CHRNG: variants seen among roughly 807,000 people sequenced by gnomAD.
CHRNG encodes the protein cholinergic receptor nicotinic gamma subunit, also known as acetylcholine receptor subunit gamma.
CHRNG carries 72 observed loss-of-function variants against 65.2 expected under a neutral mutation model. The observed-to-expected ratio is 1.10, with a 90% CI of 0.91 to 1.34. CHRNG has a LOEUF of 1.34. Among genes scored for constraint, CHRNG ranks in the 40% most tolerant of loss-of-function variants. The pLI is 0.00. For missense variants in CHRNG, 637 were observed against 680.1 expected, an observed-to-expected ratio of 0.94 and a Z score of 0.70; for synonymous variants, 284 against 290.2, an observed-to-expected ratio of 0.98 and a Z score of 0.22.
chr2:232,545,062 C>G (rs149874341), intron 11 of CHRNG, among the ~76,000 whole-genome samples, 160 bp downstream of exon 11: 23 of 151,932 alleles, frequency 1.5e-4, no homozygotes, highest in Non-Finnish European at 3.2e-4. Flanking sequence ...TTTGGGAGGC[C>G]GAGGCGAGTG....
Position 232,544,245 on chromosome 2 carries a change from G to A in CHRNG, c.1036-122G>A, listed in dbSNP as rs987105164. 5 of 807,370 alleles carry A rather than the reference G, an allele frequency of 6.2e-6. No homozygotes were observed. The Admixed American group carries it at 8.5e-5, about 14-fold the overall frequency. 50.0% of individuals were successfully genotyped at this position (807,370 alleles called of 1,614,324 possible). On this transcript the variant is annotated intron_variant, in intron 9 of 11. Coordinates refer to ENST00000651502, the MANE Select transcript of CHRNG (RefSeq NM_005199.5). Reference sequence around the variant, plus strand: ...GTCCAGTATAGAAAGCTTTACCAAGGCCACGTCACTGCCCCGGTATGCTGC... The same window carrying A: ...GTCCAGTATAGAAAGCTTTACCAAGACCACGTCACTGCCCCGGTATGCTGC...
Position 232,545,877 on chromosome 2 carries a change from G to C in CHRNG, c.*161G>C. The C allele has an allele frequency of 1.2e-6, 1 of 841,078 alleles. No individual in the cohort carries two copies. The highest frequency in any genetic ancestry group is 1.9e-6 in the Non-Finnish European group (1 of 514,470). 52.1% of individuals were successfully genotyped at this position (841,078 alleles called of 1,614,324 possible). A position where few individuals can be genotyped will look rare whatever the true frequency, so the allele number is the denominator to read the frequency against. On this transcript the variant is annotated 3_prime_UTR_variant, in exon 12 of 12. Coordinates refer to ENST00000651502, the MANE Select transcript of CHRNG (RefSeq NM_005199.5). ...CTGAGAAAAGCTGGGGAAACAGTCTGAGCTGGAGTCCGAGAGTGGTTGGGG... is the reference window on the plus strand; with the variant it reads ...CTGAGAAAAGCTGGGGAAACAGTCTCAGCTGGAGTCCGAGAGTGGTTGGGG...
rs1216018393 is a variant in CHRNG at position 232,545,576 on chromosome 2, C to G, written c.1414C>G (p.Leu472Val). The G allele has an allele frequency of 1.2e-6, 2 of 1,614,020 alleles. No homozygotes were observed. Among genetic ancestry groups the G allele is most frequent in the Non-Finnish European group, 1.7e-6 (2 of 1,180,012 alleles). ...GGAGTGGTTCCTGGTGGGCCGAGTGCTGGACCGCGTCTGCTTCCTGGCCAT... is the reference window on the plus strand; with the variant it reads ...GGAGTGGTTCCTGGTGGGCCGAGTGGTGGACCGCGTCTGCTTCCTGGCCAT... ...NEEWFLVGRV[L>V]DRVCFLAMLS... is the part of the protein sequence containing the mutation. Residue 472 changes from leucine (L) to valine (V), a missense_variant, in exon 12 of 12, where the codon CTG becomes GTG. Transcript: ENST00000651502.
At chr2:232,539,855 C>A in intron 1 of CHRNG, 53 bp downstream of exon 1, 1 of 1,611,250 alleles carries the variant, frequency 6.2e-7, no homozygotes, top group South Asian at 1.1e-5. Flanking sequence ...GGGTCCACAG[C>A]CTCAGGGGAT....
In CHRNG at chr2:232,541,346, C is replaced by T. The variant is rs199724725; in HGVS notation, c.351-28C>T. ...GTGTCGGGGGCTGAGCCCACAGCCT[C>T]GTGGCCTGGCCTGTTCTGTGCATAC... On this transcript the variant is annotated intron_variant, in intron 4 of 11. Coordinates refer to ENST00000651502, the MANE Select transcript of CHRNG (RefSeq NM_005199.5). This position sits in a 1 kb window ranked among gnomAD's most constrained non-coding sequence, Gnocchi z 4.0. The T allele has an allele frequency of 9.9e-5, 160 of 1,613,732 alleles. No homozygotes were observed. Among genetic ancestry groups the T allele is most frequent in the Middle Eastern group, 3.3e-4 (2 of 6,058 alleles).
rs1402208633 is a variant in CHRNG, at chr2:232,541,803, G to C, written c.506+274G>C. The C allele has an allele frequency of 5.5e-6, 3 of 549,388 alleles. No homozygotes were observed. Among genetic ancestry groups the C allele is most frequent in the African/African-American group, 1.9e-5 (1 of 52,762 alleles). The allele number at this position is 549,388 out of a possible 1,614,324, so 34.0% of individuals were successfully genotyped here. ...AGACATTCACGCCTGGGGTGCGTGG[G>C]TGAGAAGGCACACATGCACACAAGA... On this transcript the variant is annotated intron_variant, in intron 5 of 11. Transcript: ENST00000651502. This position sits in a 1 kb window ranked among gnomAD's most constrained non-coding sequence, Gnocchi z 4.0.
In CHRNG at chr2:232,543,682, G is replaced by A. The variant is rs1326904422; in HGVS notation, c.1018G>A (p.Ala340Thr). 6 of 1,610,598 alleles carry A rather than the reference G, an allele frequency of 3.7e-6. No individual in the cohort carries two copies. The highest frequency in any genetic ancestry group is 5.1e-6 in the Non-Finnish European group (6 of 1,177,102). ...GCGGTCTCCACACACACACTCCATGGCCCGAGGGGTCCGCAAGGCAAGGAC... is the reference window on the plus strand; with the variant it reads ...GCGGTCTCCACACACACACTCCATGACCCGAGGGGTCCGCAAGGCAAGGAC... ...SLRSPHTHSM[A>T]RGVRKVFLRL... is the part of the protein sequence containing the mutation. The change falls in exon 9 of 12, where the codon GCC becomes ACC. Residue 340 changes from alanine (A) to threonine (T), a missense_variant. Ala to Thr is a moderately conservative substitution (Grantham distance 58, BLOSUM62 0). Coordinates refer to ENST00000651502, the MANE Select transcript of CHRNG (RefSeq NM_005199.5).
Position 232,542,420 on chromosome 2 carries a change from C to T in CHRNG, c.507-3C>T. 1 of 1,609,720 alleles carries T rather than the reference C, an allele frequency of 6.2e-7. No individual in the cohort carries two copies. The highest frequency in any genetic ancestry group is 1.1e-5 in the South Asian group (1 of 90,888). Reference sequence around the variant, plus strand: ...TTTAGCCTCTTTCCTCGGTGACTCCCAGGTCCCAGACTTACAGCACCAATG... The same window carrying T: ...TTTAGCCTCTTTCCTCGGTGACTCCTAGGTCCCAGACTTACAGCACCAATG... On this transcript the variant is annotated splice_polypyrimidine_tract_variant and splice_region_variant and intron_variant, in intron 5 of 11. Coordinates refer to ENST00000651502, the MANE Select transcript of CHRNG (RefSeq NM_005199.5).
In CHRNG at chr2:232,545,363, AG is replaced by A. The variant is rs1282646409; in HGVS notation, c.1381-173del. Among the ~76,000 whole-genome samples, 13 of 92,346 alleles carry A rather than the reference AG, an allele frequency of 1.4e-4. No individual in the cohort carries two copies. The East Asian group carries it at 3.3e-3, about 24-fold the overall frequency. 60.6% of individuals were successfully genotyped at this position (92,346 alleles called of 152,430 possible). On this transcript the variant is annotated intron_variant, in intron 11 of 11. Transcript: ENST00000651502. The stretch of plus-strand genomic sequence containing the variant: ...GAAAGAAAGAAAAAGGAACAGGGGC[AG>A]GGGGGGCACCTCAGGGCCAGGGGGC...
At position 232,546,134 on chromosome 2, in the gene CHRNG, G is replaced by C. The variant is rs1692128951; in HGVS notation, c.*418G>C. 1 of 319,718 alleles carries C rather than the reference G, an allele frequency of 3.1e-6. No homozygotes were observed. Among genetic ancestry groups the C allele is most frequent in the Non-Finnish European group, 6.1e-6 (1 of 162,712 alleles). The allele number at this position is 319,718 out of a possible 1,614,324, so 19.8% of individuals were successfully genotyped here. A position where few individuals can be genotyped will look rare whatever the true frequency, so the allele number is the denominator to read the frequency against. The stretch of plus-strand genomic sequence containing the variant: ...AGGGCAGTCACAAGAGGTGTGAAGA[G>C]TAGCAGCCGATGCTCTCTCCAAAGC... On this transcript the variant is annotated 3_prime_UTR_variant, in exon 12 of 12. Coordinates refer to ENST00000651502, the MANE Select transcript of CHRNG (RefSeq NM_005199.5).
In CHRNG at chr2:232,540,613, CT is replaced by C; in HGVS notation, c.253del (p.Tyr85IlefsTer16). ...NVWIEMQWCD[Y>X]RLRWDPRDYE... ...CCCTCCCCCTGCAGCAGTGGTGCGA[CT>C]ATCGCCTGCGCTGGGATCCGCGAGA... On this transcript the variant is annotated frameshift_variant, in exon 4 of 12. Transcript: ENST00000651502. LOFTEE classifies it high-confidence loss of function. The surrounding 1 kb of genome is among the most constrained non-coding windows in gnomAD (Gnocchi z 4.2). The C allele has an allele frequency of 6.8e-6, 11 of 1,612,098 alleles. No individual in the cohort carries two copies. The highest frequency in any genetic ancestry group is 8.5e-6 in the Non-Finnish European group (10 of 1,179,916).
At position 232,545,776 on chromosome 2, in the gene CHRNG, C is replaced by T; in HGVS notation, c.*60C>T. On this transcript the variant is annotated 3_prime_UTR_variant, in exon 12 of 12. Transcript: ENST00000651502. ...ACACGTGGGTCACACTGAGTCTTAT[C>T]AGCCACGTTCTCCTACTGAGGTCCT... 1 of 1,570,686 alleles carries T rather than the reference C, an allele frequency of 6.4e-7. No homozygotes were observed. The highest frequency in any genetic ancestry group is 1.1e-5 in the South Asian group (1 of 90,236).
At chr2:232,542,666 C>T (rs980067806) in intron 6 of CHRNG, 146 bp downstream of exon 6, 19 of 736,314 alleles carry the variant, frequency 2.6e-5, no homozygotes, top group South Asian at 1.1e-4. Flanking sequence ...CTTTTTAAAA[C>T]GTCCAACAAA....
In CHRNG at chr2:232,545,702, C is replaced by G; in HGVS notation, c.1540C>G (p.Pro514Ala). ...PFPGDPRPYL[P>A]SPD ...CCCTGGAGATCCACGCCCCTACCTG[C>G]CCTCACCAGACTGAGCCAACCAACC... The change falls in exon 12 of 12, where the codon CCC becomes GCC. Residue 514 changes from proline to alanine, a missense_variant. Pro to Ala is a conservative substitution (Grantham distance 27). Transcript: ENST00000651502. The G allele has an allele frequency of 6.2e-7, 1 of 1,614,174 alleles. No homozygotes were observed.
At position 232,540,631 on chromosome 2, in the gene CHRNG, T is replaced by A; in HGVS notation, c.270T>A (p.Asp90Glu). ...GGTGCGACTATCGCCTGCGCTGGGA[T>A]CCGCGAGACTACGAAGGCCTGTGGG... ...MQWCDYRLRW[D>E]PRDYEGLWVL... The change falls in exon 4 of 12, where the codon GAT (aspartate) becomes GAA (glutamate). Residue 90 changes from aspartate to glutamate, a missense_variant. Physicochemically the swap from Asp to Glu is conservative, Grantham distance 45 (BLOSUM62 2). Transcript: ENST00000651502. The surrounding 1 kb of genome is among the most constrained non-coding windows in gnomAD (Gnocchi z 4.2). The A allele has an allele frequency of 6.2e-7, 1 of 1,612,780 alleles. No homozygotes were observed. The highest frequency in any genetic ancestry group is 1.1e-5 in the South Asian group (1 of 91,066).
At position 232,545,668 on chromosome 2, in the gene CHRNG, C is replaced by A. The variant is rs759265096; in HGVS notation, c.1506C>A (p.Ala502=). Residue 502 remains alanine, a synonymous_variant, in exon 12 of 12, where the codon GCC becomes GCA. Coordinates refer to ENST00000651502, the MANE Select transcript of CHRNG (RefSeq NM_005199.5). The part of the protein sequence containing the change: ...FLMAHYNRVP[A]LPFPGDPRPY... ...TGGCCCACTACAACCGGGTGCCGGCCCTGCCATTCCCTGGAGATCCACGCC... is the reference window on the plus strand; with the variant it reads ...TGGCCCACTACAACCGGGTGCCGGCACTGCCATTCCCTGGAGATCCACGCC... 2 of 1,614,184 alleles carry A rather than the reference C, an allele frequency of 1.2e-6. No individual in the cohort carries two copies. The highest frequency in any genetic ancestry group is 8.5e-7 in the Non-Finnish European group (1 of 1,180,032).
At chr2:232,545,356 C>T (rs1341233376) in intron 11 of CHRNG, among the ~76,000 whole-genome samples, 187 bp from the exon 12 acceptor site, 3 of 141,088 alleles carry the variant, frequency 2.1e-5, no homozygotes, top group Non-Finnish European at 3.2e-5. Flanking sequence ...GAAAAAGGAA[C>T]AGGGGCAGGG....
At position 232,540,552 on chromosome 2, in the gene CHRNG, C is replaced by A; in HGVS notation, c.241-50C>A. 1 of 1,601,700 alleles carries A rather than the reference C, an allele frequency of 6.2e-7. No individual in the cohort carries two copies. The highest frequency in any genetic ancestry group is 1.1e-5 in the South Asian group (1 of 90,696). On this transcript the variant is annotated intron_variant, in intron 3 of 11. Coordinates refer to ENST00000651502, the MANE Select transcript of CHRNG (RefSeq NM_005199.5). This position sits in a 1 kb window ranked among gnomAD's most constrained non-coding sequence, Gnocchi z 4.2. ...TTGGGCTGGATGCCCACTCCTAGGG[C>A]TGTGGTGCAGCAGAGGGCAGAGGCC...
chr2:232,545,309 A>G (rs1221943061), intron 11 of CHRNG, among the ~76,000 whole-genome samples: 2 of 139,676 alleles, frequency 1.4e-5, no homozygotes, highest in Non-Finnish European at 3.1e-5. Flanking sequence ...GAGACGTGAG[A>G]CTCCGTCTCA....
Sources: gnomAD v4.1 joint callset for allele counts (sites outside exome capture counted in the v4.1 genomes callset) on GRCh38, gnomAD v4.1.1 for gene constraint, Gnocchi (gnomAD v3.1) non-coding constraint, MANE v1.5 for transcripts, NCBI Gene and HGNC (gene_info 2026-07-23, HGNC 2026-07-21) for gene names.